Variants in FBP2 observed in about 807,000 individuals in gnomAD.
FBP2 encodes fructose-bisphosphatase 2.
In FBP2, 27 loss-of-function variants were observed where a neutral mutation model predicts 31.6. The ratio of observed to expected loss-of-function variants is 0.85; its 90% CI spans 0.63 to 1.18. FBP2 has a LOEUF of 1.18. Ranked by LOEUF, FBP2 falls within the 50% of genes most tolerant of loss-of-function variation. FBP2 has a pLI of 0.00. For missense variants in FBP2, 421 were observed against 436.1 expected, an observed-to-expected ratio of 0.97 and a Z score of 0.31; for synonymous variants, 168 against 179.8, an observed-to-expected ratio of 0.93 and a Z score of 0.53.
intron 3 of FBP2, among the ~76,000 whole-genome samples, chr9:94,572,160 C>T (rs765476860): frequency 4.6e-5 from 7 of 152,136 alleles, no homozygotes; most frequent in African/African-American, 7.2e-5. Flanking sequence ...CCTCTCTTCC[C>T]GGCAGCACCT....
In FBP2 at chr9:94,590,730, G is replaced by C. The variant is rs1194905932; in HGVS notation, c.170+2827C>G. Among the ~76,000 whole-genome samples the C allele has an allele frequency of 2.0e-5, 3 of 152,214 alleles. No homozygotes were observed. The East Asian group carries it at 5.8e-4, about 29-fold the overall frequency. ...CACAGTGTGGAAAGAGACCCAAACGGGTTGCCGATGCTGGTTTAGGCAGCC... is the reference window on the plus strand; with the variant it reads ...CACAGTGTGGAAAGAGACCCAAACGCGTTGCCGATGCTGGTTTAGGCAGCC... On this transcript the variant is annotated intron_variant, in intron 1 of 6. Transcript: ENST00000375337.
At chr9:94,582,351 CGTGTGT>C (rs71366248) in intron 3 of FBP2, among the ~76,000 whole-genome samples, 1,487 of 147,544 alleles carry the variant, frequency 0.01, 11 homozygotes, top group Middle Eastern at 0.058. Context: ...TGTGTGTGTG[CGTGTGT>C]GTGTGTGTGT....
At chr9:94,560,279 C>G (rs1447116540) in intron 6 of FBP2, among the ~76,000 whole-genome samples, 2 of 152,348 alleles carry the variant, frequency 1.3e-5, no homozygotes, top group African/African-American at 4.8e-5. Context: ...CCTTCTCTAA[C>G]CCTCCTGCAG....
intron 1 of FBP2, among the ~76,000 whole-genome samples, chr9:94,593,159 T>C (rs1304632901): frequency 1.3e-5 from 2 of 152,188 alleles, no homozygotes; most frequent in Non-Finnish European, 2.9e-5. Context: ...TTTGCAAAGC[T>C]TATTACAATA....
In FBP2 at chr9:94,592,528, T is replaced by TTTTG. The variant is rs945746694; in HGVS notation, c.170+1025_170+1028dup. Among the ~76,000 whole-genome samples, 79 of 151,858 alleles carry TTTTG rather than the reference T, an allele frequency of 5.2e-4. 1 individual carries two copies. The highest frequency in any genetic ancestry group is 1.6e-3 in the African/African-American group (68 of 41,446). ...AAGGGAAGCCCAAAGAAAGCTGGGG[T>TTTTG]TTTGTTTGTTTGTTTGTATGTTTTG... is the stretch of plus-strand genomic sequence containing the variant. On this transcript the variant is annotated intron_variant, in intron 1 of 6. Coordinates refer to ENST00000375337, the MANE Select transcript of FBP2 (RefSeq NM_003837.4).
chr9:94,586,016 G>A (rs1171103464), intron 2 of FBP2, among the ~76,000 whole-genome samples: 1 of 152,146 alleles, frequency 6.6e-6, no homozygotes, highest in Non-Finnish European at 1.5e-5. Flanking sequence ...TTGCAGGCGT[G>A]AGCCACCGCG....
At chr9:94,562,776 A>G (rs978742173) in intron 6 of FBP2, among the ~76,000 whole-genome samples, 1 of 152,144 alleles carries the variant, frequency 6.6e-6, no homozygotes, top group African/African-American at 2.4e-5. Flanking sequence ...TAAGTTTTGC[A>G]TCATTAAGTT....
At chr9:94,579,407 A>G (rs1827353454) in intron 3 of FBP2, among the ~76,000 whole-genome samples, 1 of 151,126 alleles carries the variant, frequency 6.6e-6, no homozygotes, top group Non-Finnish European at 1.5e-5. Context: ...CAAAAAAAAA[A>G]AAAAAAAAAA....
At chr9:94,568,491 C>T (rs1314343824) in intron 4 of FBP2, 1 of 152,154 alleles carries the variant, frequency 6.6e-6, no homozygotes, top group Admixed American at 6.5e-5. Flanking sequence ...GGAGGAAAAC[C>T]AGAGCCTGGA....
rs1827046254 is a variant in FBP2 at position 94,558,733 on chromosome 9, G to C, written c.*205C>G. 1 of 551,104 alleles carries C rather than the reference G, an allele frequency of 1.8e-6. No homozygotes were observed. Among genetic ancestry groups the C allele is most frequent in the East Asian group, 3.3e-5 (1 of 30,658 alleles). 34.1% of individuals were successfully genotyped at this position (551,104 alleles called of 1,614,324 possible). A position where few individuals can be genotyped will look rare whatever the true frequency, so the allele number is the denominator to read the frequency against. On this transcript the variant is annotated 3_prime_UTR_variant, in exon 7 of 7. Transcript: ENST00000375337. Reference sequence around the variant, plus strand: ...CCAAAGTCGCACTTTCCACATGTGGGTTTTTATTTCTAGTCCTTCACATTG... The same window carrying C: ...CCAAAGTCGCACTTTCCACATGTGGCTTTTTATTTCTAGTCCTTCACATTG...
intron 3 of FBP2, chr9:94,572,870 A>C (rs1014019232): frequency 4.6e-5 from 7 of 152,364 alleles, no homozygotes; most frequent in Middle Eastern, 6.8e-3. Context: ...ATTACGAATT[A>C]GTTTATTGCT....
At chr9:94,563,927 CAAG>C (rs1827147218) in intron 5 of FBP2, among the ~76,000 whole-genome samples, 1 of 152,268 alleles carries the variant, frequency 6.6e-6, no homozygotes, top group Non-Finnish European at 1.5e-5. Flanking sequence ...CTCAATTCAA[CAAG>C]AAGACTTAAC....
At chr9:94,591,629 C>T (rs1827504542) in intron 1 of FBP2, among the ~76,000 whole-genome samples, 1 of 152,194 alleles carries the variant, frequency 6.6e-6, no homozygotes. Flanking sequence ...TCAAATGCCG[C>T]CAGTGGTCAT....
intron 5 of FBP2, among the ~76,000 whole-genome samples, chr9:94,565,026 T>C (rs964260966): frequency 1.3e-5 from 2 of 152,160 alleles, no homozygotes; most frequent in Non-Finnish European, 2.9e-5. Context: ...TTATATATAA[T>C]GAAACATCAG....
intron 4 of FBP2, chr9:94,569,470 C>CG (rs1309412150): frequency 6.6e-6 from 1 of 152,250 alleles, no homozygotes; most frequent in Non-Finnish European, 1.5e-5. Context: ...ACTCACTCAC[C>CG]ACCTGAACAG....
intron 3 of FBP2, chr9:94,576,557 G>A (rs1354864234): frequency 6.6e-6 from 1 of 152,262 alleles, no homozygotes; most frequent in Middle Eastern, 3.2e-3. Context: ...TGGCTGGAAT[G>A]CTAGGGAGTC....
At chr9:94,589,446 C>A (rs1422470469) in intron 1 of FBP2, among the ~76,000 whole-genome samples, 1 of 152,228 alleles carries the variant, frequency 6.6e-6, no homozygotes, top group African/African-American at 2.4e-5. Context: ...CACTCACGGA[C>A]TGGCTTCCTG....
chr9:94,592,579 G>A (rs1285821750), intron 1 of FBP2, among the ~76,000 whole-genome samples: 1 of 152,154 alleles, frequency 6.6e-6, no homozygotes. Context: ...CTGTCACCCA[G>A]GCTGGAGTGC....
intron 6 of FBP2, among the ~76,000 whole-genome samples, chr9:94,560,733 T>C (rs1445384415): frequency 6.8e-6 from 1 of 147,976 alleles, no homozygotes; most frequent in African/African-American, 2.5e-5. Flanking sequence ...ATAATATATA[T>C]TTACATATAA....
Sources: gnomAD v4.1 joint callset for allele counts (sites outside exome capture counted in the v4.1 genomes callset) on GRCh38, gnomAD v4.1.1 for gene constraint, MANE v1.5 for transcripts, NCBI Gene and HGNC (gene_info 2026-07-23, HGNC 2026-07-21) for gene names.